CMIP: variants seen among roughly 807,000 people sequenced by gnomAD.
CMIP encodes c-Maf inducing protein.
CMIP carries 13 observed loss-of-function variants against 97.3 expected under a neutral mutation model. The observed-to-expected ratio is 0.13, with a 90% CI of 0.09 to 0.21. The LOEUF is 0.21. CMIP is among the 10% of genes least tolerant of loss of function. The probability of loss-of-function intolerance (pLI) is 1.00; values close to 1 mark genes in which losing one functional copy is unlikely to be tolerated. For synonymous variants in CMIP, 538 were observed against 436.3 expected, an observed-to-expected ratio of 1.23 and a Z score of -2.91; for missense variants, 847 against 1,024.9, an observed-to-expected ratio of 0.83 and a Z score of 2.37.
chr16:81,562,150 A>G (rs1226383602), intron 1 of CMIP, among the ~76,000 whole-genome samples: 1 of 152,224 alleles, frequency 6.6e-6, no homozygotes. Context: ...CATTTATGAG[A>G]TGAGGATGCA....
chr16:81,581,685 T>C (rs1365874532), intron 1 of CMIP, among the ~76,000 whole-genome samples: 1 of 152,138 alleles, frequency 6.6e-6, no homozygotes, highest in Non-Finnish European at 1.5e-5. Flanking sequence ...AATAGTGCTA[T>C]CCTTATTCCT....
At chr16:81,532,852 C>G (rs2090266428) in intron 1 of CMIP, among the ~76,000 whole-genome samples, 1 of 152,204 alleles carries the variant, frequency 6.6e-6, no homozygotes, top group Non-Finnish European at 1.5e-5. Flanking sequence ...CTGCGCCTCT[C>G]TGCCCAGACA....
Position 81,445,314 on chromosome 16 carries a change from G to C in CMIP, c.73G>C (p.Gly25Arg). 7.0e-6 allele frequency: 11 copies of C among 1,574,904 alleles called. No individual in the cohort carries two copies. Among genetic ancestry groups the C allele is most frequent in the Non-Finnish European group, 9.5e-6 (11 of 1,161,812 alleles). Residue 25 changes from glycine (G) to arginine (R), a missense_variant, in exon 1 of 21, where the codon GGC becomes CGC. Physicochemically the swap from Gly to Arg is moderately radical, Grantham distance 125. This residue lies in a region of CMIP where 94 missense variants were observed against 79.9 expected (regional missense o/e 1.18). Coordinates refer to ENST00000537098, the MANE Select transcript of CMIP (RefSeq NM_198390.3). ...CGAGGAGACCAAGCCGCTGCTGGGG[G>C]GCGACGTGTCGGCCCCCGAAGGCAC... The part of the protein sequence containing the change: ...QIEETKPLLG[G>R]DVSAPEGTKM...
At chr16:81,588,149 C>T (rs891769784) in intron 1 of CMIP, among the ~76,000 whole-genome samples, 2 of 152,204 alleles carry the variant, frequency 1.3e-5, no homozygotes, top group Admixed American at 1.3e-4. Flanking sequence ...GAACGAGACC[C>T]TCCGGATCCC....
At chr16:81,634,298 C>T (rs1029240597) in intron 3 of CMIP, among the ~76,000 whole-genome samples, 1 of 152,120 alleles carries the variant, frequency 6.6e-6, no homozygotes, top group Admixed American at 6.5e-5. Flanking sequence ...GCACAGTGTC[C>T]CTGGGTTTTA....
At chr16:81,647,428 C>T (rs2092376140) in intron 3 of CMIP, among the ~76,000 whole-genome samples, 1 of 152,174 alleles carries the variant, frequency 6.6e-6, no homozygotes, top group Admixed American at 6.5e-5. Flanking sequence ...AGGCAGGGGG[C>T]TGGGTTTCAC....
chr16:81,612,843 G>A (rs2091854177), intron 2 of CMIP, among the ~76,000 whole-genome samples: 1 of 152,166 alleles, frequency 6.6e-6, no homozygotes, highest in African/African-American at 2.4e-5. Context: ...TTGGGCTGGG[G>A]GACCTTTCCC....
chr16:81,595,508 C>T (rs529009753), intron 1 of CMIP, among the ~76,000 whole-genome samples: 1 of 152,090 alleles, frequency 6.6e-6, no homozygotes, highest in East Asian at 1.9e-4. Flanking sequence ...CCCACCTCAG[C>T]CTCTTGAGTA....
chr16:81,613,158 C>G (rs1014721349), intron 2 of CMIP, among the ~76,000 whole-genome samples: 1 of 152,230 alleles, frequency 6.6e-6, no homozygotes, highest in African/African-American at 2.4e-5. Context: ...TTGGCTCCAT[C>G]AGCCTCCACC....
chr16:81,699,642 C>G lies in CMIP; in HGVS notation c.1639-43C>G, dbSNP rs1174302334. On this transcript the variant is annotated intron_variant, in intron 14 of 20. Transcript: ENST00000537098. ...CCTGCCAGCACGCTGGAGGCTGGCA[C>G]TGGGTGTCTCTGTCCCTTCACCTGG... The G allele has an allele frequency of 5.3e-6, 7 of 1,326,356 alleles. No individual in the cohort carries two copies. In the Admixed American group the frequency reaches 1.3e-4, roughly 24 times the overall value. 82.2% of individuals were successfully genotyped at this position (1,326,356 alleles called of 1,614,324 possible).
intron 1 of CMIP, among the ~76,000 whole-genome samples, chr16:81,563,532 C>A (rs1161279622): frequency 6.6e-6 from 1 of 152,176 alleles, no homozygotes; most frequent in Non-Finnish European, 1.5e-5. Flanking sequence ...ACACGTACCG[C>A]ATTATAGTCT....
chr16:81,701,073 C>T (rs778179858), intron 15 of CMIP, among the ~76,000 whole-genome samples: 26 of 151,522 alleles, frequency 1.7e-4, no homozygotes, highest in Admixed American at 3.3e-4. Context: ...TCACTTGAGC[C>T]CAGGAGGTTG....
intron 9 of CMIP, among the ~76,000 whole-genome samples, chr16:81,675,425 G>T (rs1229304755): frequency 1.3e-5 from 2 of 149,332 alleles, no homozygotes; most frequent in African/African-American, 2.5e-5. Context: ...CGCCATGTTG[G>T]CCAGGCTGGT....
intron 1 of CMIP, among the ~76,000 whole-genome samples, chr16:81,538,783 C>G (rs1228280253): frequency 6.6e-6 from 1 of 151,980 alleles, no homozygotes; most frequent in Non-Finnish European, 1.5e-5. Context: ...CAAACCAAGA[C>G]TTTGTTATGA....
chr16:81,553,866 C>T (rs1362905438), intron 1 of CMIP, among the ~76,000 whole-genome samples: 1 of 152,250 alleles, frequency 6.6e-6, no homozygotes, highest in East Asian at 1.9e-4. Flanking sequence ...GCTTTGTGTG[C>T]AGACACGTGG....
intron 1 of CMIP, among the ~76,000 whole-genome samples, chr16:81,555,980 A>T (rs1000455): frequency 0.55 from 83,720 of 152,036 alleles, 23,660 homozygotes; most frequent in East Asian, 0.81. Flanking sequence ...TAGGAGCTCC[A>T]TTGTGACTGT....
intron 11 of CMIP, among the ~76,000 whole-genome samples, chr16:81,692,240 C>G (rs1427609919): frequency 1.3e-5 from 2 of 152,228 alleles, no homozygotes; most frequent in Admixed American, 1.3e-4. Flanking sequence ...AGATAATGCG[C>G]GTAGCATTGC....
At chr16:81,584,347 G>A (rs577675929) in intron 1 of CMIP, among the ~76,000 whole-genome samples, 2 of 152,340 alleles carry the variant, frequency 1.3e-5, no homozygotes, top group African/African-American at 2.4e-5. Flanking sequence ...CAAGCACTCC[G>A]TAAATATTTG....
intron 1 of CMIP, among the ~76,000 whole-genome samples, chr16:81,556,421 A>G (rs1352504030): frequency 1.3e-5 from 2 of 152,178 alleles, no homozygotes; most frequent in African/African-American, 2.4e-5. Context: ...GATGGATCAC[A>G]TAGTAACTTG....
Sources: gnomAD v4.1 joint callset for allele counts (sites outside exome capture counted in the v4.1 genomes callset) on GRCh38, gnomAD v4.1.1 for gene constraint, gnomAD v4.1.1 regional missense constraint, MANE v1.5 for transcripts, NCBI Gene and HGNC (gene_info 2026-07-23, HGNC 2026-07-21) for gene names.